The following FHAD1 variants were observed in gnomAD, a reference collection of about 807,000 sequenced individuals.
FHAD1 encodes forkhead associated phosphopeptide binding domain 1, also known as forkhead-associated domain-containing protein 1.
A neutral mutation model predicts 191.3 loss-of-function variants in FHAD1; 146 were observed. The observed-to-expected ratio is 0.76, with a 90% CI of 0.67 to 0.88. The LOEUF (loss-of-function observed/expected upper bound fraction) is 0.88, where lower values mean the gene tolerates loss of function less well. Ranked by LOEUF, FHAD1 falls within the 40% of genes least tolerant of loss-of-function variation. FHAD1 has a pLI of 0.00. For missense variants in FHAD1, 1,635 were observed against 1,785.8 expected, an observed-to-expected ratio of 0.92 and a Z score of 1.52; for synonymous variants, 616 against 672.3, an observed-to-expected ratio of 0.92 and a Z score of 1.29.
At chr1:15,377,637 G>A (rs1259269149) in intron 28 of FHAD1, among the ~76,000 whole-genome samples, 1 of 151,704 alleles carries the variant, frequency 6.6e-6, no homozygotes, top group Non-Finnish European at 1.5e-5. Context: ...TCAGGAGTTC[G>A]AGACCAGCCT....
chr1:15,252,854 G>A (rs1646953693), intron 2 of FHAD1, among the ~76,000 whole-genome samples: 1 of 152,182 alleles, frequency 6.6e-6, no homozygotes, highest in African/African-American at 2.4e-5. Context: ...GTTGAAAGAA[G>A]GAGAATAATA....
intron 2 of FHAD1, among the ~76,000 whole-genome samples, chr1:15,268,342 T>C: frequency 6.6e-6 from 1 of 151,936 alleles, no homozygotes; most frequent in African/African-American, 2.4e-5. Context: ...TTTTTATGGC[T>C]GCATAGTATT....
intron 27 of FHAD1, among the ~76,000 whole-genome samples, chr1:15,375,338 G>A (rs531234181): frequency 6.6e-5 from 10 of 152,116 alleles, no homozygotes; most frequent in Non-Finnish European, 1.0e-4. Flanking sequence ...TTCAAGTTCC[G>A]TCTTGGTTCC....
chr1:15,327,021 G>A lies in FHAD1; in HGVS notation c.1474-38G>A, dbSNP rs1372851458. 8.4e-6 allele frequency: 12 copies of A among 1,422,064 alleles called. No individual in the cohort carries two copies. Among genetic ancestry groups the A allele is most frequent in the Non-Finnish European group, 1.2e-5 (12 of 1,030,392 alleles). The allele number at this position is 1,422,064 out of a possible 1,614,324, so 88.1% of individuals were successfully genotyped here. A position where few individuals can be genotyped will look rare whatever the true frequency, so the allele number is the denominator to read the frequency against. ...ACGCTGCCCCCACTTGCCGGCCCCT[G>A]CTGACCCCCTGACACTGTTGCCCCC... is the stretch of plus-strand genomic sequence containing the variant. On this transcript the variant is annotated intron_variant, in intron 11 of 33. Coordinates refer to ENST00000688493, the MANE Select transcript of FHAD1 (RefSeq NM_001391957.1). This position sits in a 1 kb window ranked among gnomAD's most constrained non-coding sequence, Gnocchi z 5.1.
intron 32 of FHAD1, 50 bp from the exon 33 acceptor site, chr1:15,391,160 G>A (rs1358251440): frequency 1.9e-6 from 2 of 1,077,300 alleles, no homozygotes; most frequent in Non-Finnish European, 2.4e-6. Flanking sequence ...GATGCAAAAG[G>A]CAAAGAGGAA....
intron 4 of FHAD1, among the ~76,000 whole-genome samples, chr1:15,290,296 C>G (rs540108234): frequency 6.6e-6 from 1 of 152,244 alleles, no homozygotes; most frequent in African/African-American, 2.4e-5. Context: ...GGGGAGGAAA[C>G]TTCCCATCTG....
chr1:15,328,634 CA>C, intron 13 of FHAD1: 7 of 425,656 alleles, frequency 1.6e-5, no homozygotes, highest in Non-Finnish European at 2.1e-5. Flanking sequence ...TTGGCGTGTC[CA>C]AAAAAGATGC....
chr1:15,236,800 A>G (rs1644829362), intron 1 of FHAD1, among the ~76,000 whole-genome samples: 1 of 152,142 alleles, frequency 6.6e-6, no homozygotes. Flanking sequence ...AGCTAGTTTG[A>G]ACTGGGCTCT....
chr1:15,326,090 C>T (rs1170512347), intron 11 of FHAD1: 3 of 152,378 alleles, frequency 2.0e-5, no homozygotes, highest in Non-Finnish European at 4.4e-5. Context: ...GTCACCTGGT[C>T]TTCTCCTGGC....
chr1:15,268,426 T>C (rs1654527690), intron 2 of FHAD1, among the ~76,000 whole-genome samples: 1 of 146,794 alleles, frequency 6.8e-6, no homozygotes, highest in South Asian at 2.2e-4. Flanking sequence ...TCCAAGTCTT[T>C]GCTATTGTGA....
intron 8 of FHAD1, chr1:15,314,301 G>A (rs1673266152): frequency 6.6e-6 from 1 of 152,214 alleles, no homozygotes; most frequent in African/African-American, 2.4e-5. Flanking sequence ...TGAAGCAGCA[G>A]TAGTGACCTC....
Position 15,312,962 on chromosome 1 carries a change from C to A in FHAD1, c.1040-95C>A. 2 of 1,471,598 alleles carry A rather than the reference C, an allele frequency of 1.4e-6. No homozygotes were observed. The highest frequency in any genetic ancestry group is 1.3e-5 in the South Asian group (1 of 74,596). 91.2% of individuals were successfully genotyped at this position (1,471,598 alleles called of 1,614,324 possible). A position where few individuals can be genotyped will look rare whatever the true frequency, so the allele number is the denominator to read the frequency against. ...TGGGATCCTTGGAGACACCTCCCTTCTCAGTGCCAGGCTCGTCACAAACTG... is the reference window on the plus strand; with the variant it reads ...TGGGATCCTTGGAGACACCTCCCTTATCAGTGCCAGGCTCGTCACAAACTG... On this transcript the variant is annotated intron_variant, in intron 7 of 33. Coordinates refer to ENST00000688493, the MANE Select transcript of FHAD1 (RefSeq NM_001391957.1). The surrounding 1 kb of genome is among the most constrained non-coding windows in gnomAD (Gnocchi z 4.7).
intron 2 of FHAD1, among the ~76,000 whole-genome samples, 160 bp downstream of exon 2, chr1:15,252,037 G>A (rs572559048): frequency 9.9e-5 from 15 of 152,268 alleles, no homozygotes; most frequent in African/African-American, 3.6e-4. Flanking sequence ...AGTTGCCAAG[G>A]GTACCCCATT....
Position 15,328,285 on chromosome 1 carries a change from G to GA in FHAD1, c.1570dup (p.Ile524AsnfsTer6). 1 of 1,419,824 alleles carries GA rather than the reference G, an allele frequency of 7.0e-7. No individual in the cohort carries two copies. The allele number at this position is 1,419,824 out of a possible 1,614,324, so 88.0% of individuals were successfully genotyped here. On this transcript the variant is annotated frameshift_variant, in exon 13 of 34. Transcript: ENST00000688493. LOFTEE classifies it high-confidence loss of function. The stretch of plus-strand genomic sequence containing the variant: ...TTTCTTTTTCTCACCAGTTAATAGA[G>GA]AAAATTACCCAGGTCACTGAGGACA...
rs373616719 is a variant in FHAD1 at position 15,362,559 on chromosome 1, A to C, written c.2963-83A>C. The C allele has an allele frequency of 1.4e-4, 155 of 1,129,116 alleles. No homozygotes were observed. The South Asian group carries it at 1.8e-3, about 13-fold the overall frequency. 69.9% of individuals were successfully genotyped at this position (1,129,116 alleles called of 1,614,324 possible). ...GCTGCAGGTGGAGGCAGGGTTTGTA[A>C]GTTGTGAAAGACACAGGTGTGCTTG... On this transcript the variant is annotated intron_variant, in intron 22 of 33. Transcript: ENST00000688493.
At chr1:15,385,079 C>T (rs746987394) in intron 31 of FHAD1, among the ~76,000 whole-genome samples, 2 of 151,520 alleles carry the variant, frequency 1.3e-5, no homozygotes, top group African/African-American at 2.4e-5. Context: ...AGGTTTGTGA[C>T]TAACATGTCA....
At chr1:15,307,734 CT>C (rs1173045025) in intron 6 of FHAD1, among the ~76,000 whole-genome samples, 566 of 145,324 alleles carry the variant, frequency 3.9e-3, no homozygotes, top group African/African-American at 8.0e-3. Flanking sequence ...ACCTCTTTCT[CT>C]TTTTTTTTTT....
chr1:15,365,790 G>C (rs957578529), intron 23 of FHAD1, 37 bp from the exon 24 acceptor site: 15 of 1,334,178 alleles, frequency 1.1e-5, no homozygotes, highest in Middle Eastern at 1.8e-4. Flanking sequence ...CATGGAGTTT[G>C]AGTTGAACTG....
intron 14 of FHAD1, among the ~76,000 whole-genome samples, chr1:15,338,564 G>A (rs183152919): frequency 2.0e-4 from 31 of 152,156 alleles, no homozygotes; most frequent in South Asian, 8.3e-4. Context: ...TGCCCTGTAC[G>A]GTCACACCCA....
Sources: allele counts gnomAD v4.1 joint callset (sites outside exome capture counted in the v4.1 genomes callset), GRCh38; gene constraint gnomAD v4.1.1; non-coding constraint Gnocchi (gnomAD v3.1); transcripts MANE v1.5; gene names NCBI Gene and HGNC (gene_info 2026-07-23, HGNC 2026-07-21).